GALK2: variants seen among roughly 807,000 people sequenced by gnomAD.
The protein encoded by GALK2 is N-acetylgalactosamine kinase.
GALK2 carries 36 observed loss-of-function variants against 52.4 expected under a neutral mutation model. The ratio of observed to expected loss-of-function variants is 0.69; its 90% confidence interval spans 0.53 to 0.91. The LOEUF (loss-of-function observed/expected upper bound fraction) is 0.91. Ranked by LOEUF, GALK2 falls within the 40% of genes least tolerant of loss-of-function variation. The pLI is 0.00. For synonymous variants in GALK2, 176 were observed against 199.1 expected (o/e 0.88, Z 0.98); for missense variants, 579 against 559.1 (o/e 1.04, Z -0.36).
At chr15:49,363,810 G>GT (rs904145244) in intron 3 of GALK2, among the ~76,000 whole-genome samples, 2 of 151,988 alleles carry the variant, frequency 1.3e-5, no homozygotes, top group South Asian at 4.2e-4. Flanking sequence ...TTTGTTGAGG[G>GT]TTTTTTATCA....
chr15:49,327,698 G>A, intron 9 of GALK2: 2 of 317,468 alleles, frequency 6.3e-6, no homozygotes, highest in South Asian at 1.9e-4. Flanking sequence ...TGCCAGTCAT[G>A]AAATGGGAGG....
chr15:49,309,267 T>C (rs913502504), intron 8 of GALK2, among the ~76,000 whole-genome samples: 1 of 152,178 alleles, frequency 6.6e-6, no homozygotes, highest in Non-Finnish European at 1.5e-5. Context: ...CCTAAAAGAT[T>C]TTGTGAGCTT....
rs72727263 is a variant in GALK2, at chr15:49,320,090, C to T, written c.1169+285C>T. Among the ~76,000 whole-genome samples the T allele has an allele frequency of 9.6e-3, 1,458 of 152,200 alleles. 13 individuals carry two copies. Among genetic ancestry groups the T allele is most frequent in the East Asian group, 0.026 (135 of 5,172 alleles). ...CCTTTCCGTCTTTGGATGATTAGGC[C>T]TTTCAGGATGGTAACTTTGCTCAGA... On this transcript the variant is annotated intron_variant, in intron 9 of 9. Transcript: ENST00000560031.
intron 1 of GALK2, among the ~76,000 whole-genome samples, chr15:49,190,762 G>A (rs977146762): frequency 6.6e-6 from 1 of 152,164 alleles, no homozygotes; most frequent in Non-Finnish European, 1.5e-5. Flanking sequence ...ACACTCCTGA[G>A]TGTTCAAACT....
chr15:49,244,853 A>T (rs558835646), intron 5 of GALK2, among the ~76,000 whole-genome samples: 2 of 152,302 alleles, frequency 1.3e-5, no homozygotes, highest in African/African-American at 4.8e-5. Flanking sequence ...TAAAACAAAA[A>T]AAAAGCCAAA....
intron 1 of GALK2, among the ~76,000 whole-genome samples, chr15:49,184,910 G>T (rs191144202): frequency 1.3e-5 from 2 of 152,098 alleles, no homozygotes; most frequent in Non-Finnish European, 2.9e-5. Flanking sequence ...CAATTATAGT[G>T]TTACAATGTT....
At chr15:49,327,846 G>T in intron 9 of GALK2, 106 bp from the exon 10 acceptor site, 1 of 1,044,536 alleles carries the variant, frequency 9.6e-7, no homozygotes, top group Non-Finnish European at 1.4e-6. Flanking sequence ...AACCCCGCAT[G>T]TATTTTCTTC....
chr15:49,301,316 A>G (rs533772981), intron 8 of GALK2, among the ~76,000 whole-genome samples: 2 of 152,272 alleles, frequency 1.3e-5, no homozygotes, highest in East Asian at 1.9e-4. Flanking sequence ...AAATCCTTCA[A>G]TCCTTTAGAT....
chr15:49,225,927 G>A (rs1379269245), intron 3 of GALK2, among the ~76,000 whole-genome samples: 1 of 152,244 alleles, frequency 6.6e-6, no homozygotes, highest in Non-Finnish European at 1.5e-5. Context: ...AGGCTGCACT[G>A]TACTCATGTT....
chr15:49,338,229 G>C (rs1245075892), intron 3 of GALK2, among the ~76,000 whole-genome samples: 4 of 152,060 alleles, frequency 2.6e-5, no homozygotes, highest in Non-Finnish European at 5.9e-5. Flanking sequence ...TAGCATTGAT[G>C]GTCTTTACAA....
chr15:49,231,185 C>T (rs769817283), intron 3 of GALK2, among the ~76,000 whole-genome samples: 9 of 151,948 alleles, frequency 5.9e-5, no homozygotes, highest in Non-Finnish European at 1.0e-4. Context: ...AGCATGGCTG[C>T]GGAGGCCTCA....
At chr15:49,220,470 A>G (rs898191026) in intron 3 of GALK2, among the ~76,000 whole-genome samples, 2 of 151,502 alleles carry the variant, frequency 1.3e-5, no homozygotes, top group Admixed American at 1.3e-4. Flanking sequence ...CATTTTCTTT[A>G]TTTATTCATC....
At position 49,341,214 on chromosome 15, in the gene GALK2, T is replaced by C. The variant is rs539606715; in HGVS notation, c.426+21409T>C. Among the ~76,000 whole-genome samples the C allele has an allele frequency of 7.2e-5, 11 of 152,316 alleles. No individual in the cohort carries two copies. In the South Asian group the frequency reaches 2.3e-3, roughly 32 times the overall value. ...GGGTAATATGATGCCTTCAGCTTTG[T>C]TCTTTTTGCTTAGGATTTTTTTTGG... On this transcript the variant is annotated intron_variant, in intron 3 of 3. Coordinates refer to the GALK2 transcript ENST00000558399.
intron 3 of GALK2, among the ~76,000 whole-genome samples, chr15:49,227,711 CT>C: frequency 6.6e-6 from 1 of 151,496 alleles, no homozygotes; most frequent in Admixed American, 6.6e-5. Flanking sequence ...TATCTTTTTT[CT>C]TTTTTTTATT....
At chr15:49,303,967 T>A (rs1437473060) in intron 8 of GALK2, among the ~76,000 whole-genome samples, 1 of 152,226 alleles carries the variant, frequency 6.6e-6, no homozygotes, top group African/African-American at 2.4e-5. Context: ...TCTCTGTCTT[T>A]CAGGAGTGAA....
At chr15:49,273,447 T>C (rs376147778) in intron 5 of GALK2, among the ~76,000 whole-genome samples, 15 of 152,226 alleles carry the variant, frequency 9.9e-5, no homozygotes, top group East Asian at 9.6e-4. Flanking sequence ...CAGGCAACTT[T>C]TCTTGAAGTA....
chr15:49,156,577 AAC>A (rs2084461182), intron 1 of GALK2: 1 of 520,558 alleles, frequency 1.9e-6, no homozygotes, highest in African/African-American at 1.9e-5. Flanking sequence ...AAGCTGCTGA[AAC>A]ACGTCAGGAG....
chr15:49,316,594 C>T (rs1006762595), intron 8 of GALK2, among the ~76,000 whole-genome samples: 3 of 151,860 alleles, frequency 2.0e-5, no homozygotes, highest in African/African-American at 7.3e-5. Context: ...TGCACATGTA[C>T]CCTAGAGCTC....
At chr15:49,250,598 C>T (rs1383830269) in intron 5 of GALK2, among the ~76,000 whole-genome samples, 1 of 151,996 alleles carries the variant, frequency 6.6e-6, no homozygotes, top group African/African-American at 2.4e-5. Context: ...TATTTTTGAT[C>T]CAAAATGGAT....
Sources: allele counts gnomAD v4.1 joint callset (sites outside exome capture counted in the v4.1 genomes callset), GRCh38; gene constraint gnomAD v4.1.1; transcripts MANE v1.5; gene names NCBI Gene and HGNC (gene_info 2026-07-23, HGNC 2026-07-21).